The following ZRANB3 variants were observed in gnomAD, a reference collection of about 807,000 sequenced individuals.
ZRANB3 encodes the protein zinc finger RANBP2-type containing 3.
A neutral mutation model predicts 133.8 loss-of-function variants in ZRANB3; 125 were observed. That is an observed-to-expected ratio of 0.93 (90% CI 0.81 to 1.08). ZRANB3 has a LOEUF of 1.08. ZRANB3 is among the 50% of genes least tolerant of loss of function. The pLI, the probability that ZRANB3 is intolerant of heterozygous loss-of-function variation, is 0.00. For synonymous variants in ZRANB3, 387 were observed against 432.7 expected (o/e 0.89, Z 1.31); for missense variants, 1,229 against 1,275.5 (o/e 0.96, Z 0.56).
chr2:135,383,886 C>G (rs1277846992), intron 3 of ZRANB3, among the ~76,000 whole-genome samples: 2 of 151,936 alleles, frequency 1.3e-5, no homozygotes, highest in African/African-American at 4.8e-5. Flanking sequence ...CCACAAGGGA[C>G]AGCAGGAAAG....
At chr2:135,489,453 TATA>T (rs923963384) in intron 2 of ZRANB3, among the ~76,000 whole-genome samples, 44 of 151,530 alleles carry the variant, frequency 2.9e-4, no homozygotes, top group African/African-American at 1.1e-3. Context: ...AAACTTAAAG[TATA>T]ATAATAATAA....
intron 8 of ZRANB3, among the ~76,000 whole-genome samples, chr2:135,302,411 C>T (rs1028704921): frequency 3.3e-5 from 5 of 152,140 alleles, no homozygotes; most frequent in African/African-American, 1.2e-4. Flanking sequence ...TCTTTGGGAA[C>T]ATTACCTAAT....
At chr2:135,422,227 T>C (rs1294228693) in intron 2 of ZRANB3, among the ~76,000 whole-genome samples, 1 of 152,120 alleles carries the variant, frequency 6.6e-6, no homozygotes, top group Non-Finnish European at 1.5e-5. Flanking sequence ...CCTGAGACAG[T>C]AATCTATACT....
intron 2 of ZRANB3, among the ~76,000 whole-genome samples, chr2:135,406,469 T>A (rs879696918): frequency 6.6e-6 from 1 of 152,222 alleles, no homozygotes; most frequent in Non-Finnish European, 1.5e-5. Context: ...TAACTCATTT[T>A]ATGAGGTCAG....
At chr2:135,347,553 A>T (rs1328853903) in intron 5 of ZRANB3, among the ~76,000 whole-genome samples, 1 of 152,216 alleles carries the variant, frequency 6.6e-6, no homozygotes, top group African/African-American at 2.4e-5. Flanking sequence ...AAGTGCTGGG[A>T]TCACAGGCGT....
chr2:135,481,418 G>A (rs1216618960), intron 2 of ZRANB3, among the ~76,000 whole-genome samples: 7 of 152,232 alleles, frequency 4.6e-5, no homozygotes, highest in Non-Finnish European at 4.4e-5. Context: ...GTCTTCTTTT[G>A]AGAAGTGTCT....
chr2:135,474,196 C>T (rs1691401739), intron 2 of ZRANB3, among the ~76,000 whole-genome samples: 1 of 151,900 alleles, frequency 6.6e-6, no homozygotes, highest in Non-Finnish European at 1.5e-5. Flanking sequence ...ATCTCAAAAA[C>T]AAACAAACTG....
intron 3 of ZRANB3, among the ~76,000 whole-genome samples, chr2:135,357,923 T>C (rs1685509760): frequency 6.6e-6 from 1 of 152,220 alleles, no homozygotes; most frequent in African/African-American, 2.4e-5. Context: ...GGAAGGCAAA[T>C]TGAGTAACGG....
rs368941145 is a variant in ZRANB3, at chr2:135,315,554, G to A, written c.678-24C>T. The A allele has an allele frequency of 2.9e-5, 40 of 1,399,890 alleles. No individual in the cohort carries two copies. The African/African-American group carries it at 5.3e-4, about 19-fold the overall frequency. The allele number at this position is 1,399,890 out of a possible 1,614,324, so 86.7% of individuals were successfully genotyped here. A position where few individuals can be genotyped will look rare whatever the true frequency, so the allele number is the denominator to read the frequency against. ...ATCTGTTAAAATGAAGACAAAACAT[G>A]TAGCAAAATTGAATGCTGGAGTTAA... On this transcript the variant is annotated intron_variant, in intron 6 of 20. Coordinates refer to ENST00000264159, the MANE Select transcript of ZRANB3 (RefSeq NM_032143.4).
chr2:135,319,215 GA>G (rs142536235), intron 6 of ZRANB3, among the ~76,000 whole-genome samples: 6,773 of 151,990 alleles, frequency 0.045, 505 homozygotes, highest in African/African-American at 0.16. Flanking sequence ...AGTCTATAAT[GA>G]AAAAAACACA....
intron 6 of ZRANB3, among the ~76,000 whole-genome samples, chr2:135,343,807 TA>T (rs1189116360): frequency 6.7e-6 from 1 of 150,034 alleles, no homozygotes; most frequent in Non-Finnish European, 1.5e-5. Context: ...TTTAATGACA[TA>T]ATGGGCAAAT....
At chr2:135,426,614 G>A (rs1296619425) in intron 2 of ZRANB3, among the ~76,000 whole-genome samples, 1 of 151,284 alleles carries the variant, frequency 6.6e-6, no homozygotes. Flanking sequence ...CGGATCACGA[G>A]GTCAGGAGAT....
intron 3 of ZRANB3, among the ~76,000 whole-genome samples, chr2:135,382,373 T>C (rs1195975971): frequency 6.6e-6 from 1 of 152,190 alleles, no homozygotes; most frequent in Non-Finnish European, 1.5e-5. Flanking sequence ...CTGATTGGTG[T>C]ACCTGAAAGT....
At chr2:135,346,709 T>C (rs183630706) in intron 5 of ZRANB3, among the ~76,000 whole-genome samples, 1 of 152,294 alleles carries the variant, frequency 6.6e-6, no homozygotes, top group East Asian at 1.9e-4. Context: ...TGAAATCTTT[T>C]CATTTTTACA....
intron 12 of ZRANB3, among the ~76,000 whole-genome samples, chr2:135,232,921 C>T (rs190017228): frequency 6.3e-4 from 96 of 152,300 alleles, no homozygotes; most frequent in African/African-American, 2.2e-3. Flanking sequence ...TCCTCACCAG[C>T]AACGGAACAA....
chr2:135,418,741 A>T (rs1418496428), intron 2 of ZRANB3, among the ~76,000 whole-genome samples: 1 of 152,090 alleles, frequency 6.6e-6, no homozygotes. Flanking sequence ...CTAGGAAAAG[A>T]GGCAGAGATG....
At chr2:135,277,578 G>A (rs1424687793) in intron 8 of ZRANB3, among the ~76,000 whole-genome samples, 2 of 152,032 alleles carry the variant, frequency 1.3e-5, no homozygotes, top group Non-Finnish European at 2.9e-5. Flanking sequence ...TAGCAGAAAT[G>A]GATAATTCAT....
chr2:135,408,108 G>T (rs949067273), intron 2 of ZRANB3, among the ~76,000 whole-genome samples: 21 of 151,580 alleles, frequency 1.4e-4, no homozygotes, highest in Middle Eastern at 3.4e-3. Context: ...AATCTACAAT[G>T]AACTCAAACA....
At chr2:135,472,497 CAAAAAAAAA>C in intron 2 of ZRANB3, among the ~76,000 whole-genome samples, 2 of 62,016 alleles carry the variant, frequency 3.2e-5, no homozygotes. Context: ...GACTCGGTCT[CAAAAAAAAA>C]AAAAAAAAAA....
Sources: gnomAD v4.1 joint callset for allele counts (sites outside exome capture counted in the v4.1 genomes callset) on GRCh38, gnomAD v4.1.1 for gene constraint, MANE v1.5 for transcripts, NCBI Gene and HGNC (gene_info 2026-07-23, HGNC 2026-07-21) for gene names.